The following PRXL2A variants were observed in gnomAD, a reference collection of about 807,000 sequenced individuals.
PRXL2A encodes the protein peroxiredoxin like 2A, also known as peroxiredoxin-like 2A.
PRXL2A carries 26 observed loss-of-function variants against 25.6 expected under a neutral mutation model. That is an observed-to-expected ratio of 1.02 (90% CI 0.74 to 1.41). PRXL2A has a LOEUF of 1.41. PRXL2A is among the 40% of genes most tolerant of loss of function. The pLI is 0.00. For missense variants in PRXL2A, 246 were observed against 273.9 expected, an observed-to-expected ratio of 0.90 and a Z score of 0.72; for synonymous variants, 98 against 102.9, an observed-to-expected ratio of 0.95 and a Z score of 0.29.
At chr10:80,418,405 A>G (rs141728761) in intron 1 of PRXL2A, among the ~76,000 whole-genome samples, 3 of 152,202 alleles carry the variant, frequency 2.0e-5, no homozygotes, top group Admixed American at 6.5e-5. Flanking sequence ...TGTGGCTTCA[A>G]TGCTAGTCTG....
rs1459692188 is a variant in PRXL2A at position 80,433,237 on chromosome 10, T to C, written c.*1138T>C. 1 of 152,210 alleles carries C rather than the reference T, an allele frequency of 6.6e-6. No individual in the cohort carries two copies. Among genetic ancestry groups the C allele is most frequent in the Admixed American group, 6.5e-5 (1 of 15,278 alleles). The allele number at this position is 152,210 out of a possible 1,614,324, so 9.4% of individuals were successfully genotyped here. A position where few individuals can be genotyped will look rare whatever the true frequency, so the allele number is the denominator to read the frequency against. On this transcript the variant is annotated 3_prime_UTR_variant, in exon 6 of 6. Transcript: ENST00000606162. The stretch of plus-strand genomic sequence containing the variant: ...TTGGTGTTTAAAATTGGTAGCTGTT[T>C]TTCTATTGGTCTTTTAGCCTAATTT...
intron 1 of PRXL2A, among the ~76,000 whole-genome samples, chr10:80,414,979 C>T (rs1844609039): frequency 1.3e-5 from 2 of 152,208 alleles, no homozygotes; most frequent in Admixed American, 6.5e-5. Flanking sequence ...AGGGTCTGCT[C>T]ACTGTGCAGC....
chr10:80,409,195 C>A, intron 1 of PRXL2A: 1 of 426,474 alleles, frequency 2.3e-6, no homozygotes, highest in Non-Finnish European at 3.1e-6. Flanking sequence ...CCAAGAGTCA[C>A]AAACGCCTGA....
intron 2 of PRXL2A, 53 bp downstream of exon 2, chr10:80,420,698 G>T: frequency 7.7e-7 from 1 of 1,294,698 alleles, no homozygotes; most frequent in Middle Eastern, 2.7e-4. Context: ...TGGGATACAG[G>T]CTTACTGCTT....
chr10:80,427,199 T>G (rs180872510), intron 4 of PRXL2A, 133 bp from the exon 5 acceptor site: 2 of 628,424 alleles, frequency 3.2e-6, no homozygotes, highest in East Asian at 2.9e-5. Context: ...GTGTGTTGGG[T>G]GGGAGAGAAG....
intron 5 of PRXL2A, among the ~76,000 whole-genome samples, chr10:80,431,391 C>T (rs890354490): frequency 7.3e-5 from 11 of 151,376 alleles, no homozygotes; most frequent in African/African-American, 2.7e-4. Flanking sequence ...AGAACTCTAA[C>T]AAGGATTCCT....
chr10:80,420,598 C>A lies in PRXL2A; in HGVS notation c.131C>A (p.Ala44Glu). The A allele has an allele frequency of 1.2e-6, 2 of 1,613,646 alleles. No individual in the cohort carries two copies. The highest frequency in any genetic ancestry group is 2.2e-5 in the East Asian group (1 of 44,852). ...GTGTTTCTGTCCAAGCCCCAGAAAG[C>A]GGCCCTGGAGTACCTGGAGGATATA... ...TDVFLSKPQK[A>E]ALEYLEDIDL... Residue 44 changes from alanine to glutamate, a missense_variant, in exon 2 of 6, where the codon GCG (alanine) becomes GAG (glutamate). Physicochemically the swap from Ala to Glu is moderately radical, Grantham distance 107. Coordinates refer to ENST00000606162, the MANE Select transcript of PRXL2A (RefSeq NM_032333.5).
intron 4 of PRXL2A, among the ~76,000 whole-genome samples, chr10:80,426,618 C>T (rs1474980037): frequency 2.0e-5 from 3 of 152,198 alleles, no homozygotes; most frequent in African/African-American, 7.2e-5. Context: ...CAACAGGTTC[C>T]TCCACTGTTG....
intron 2 of PRXL2A, among the ~76,000 whole-genome samples, chr10:80,421,561 G>C (rs1291834521): frequency 6.6e-6 from 1 of 152,136 alleles, no homozygotes; most frequent in Non-Finnish European, 1.5e-5. Context: ...CTAGGAGAGA[G>C]AGAGACCTGT....
In PRXL2A at chr10:80,436,421, A is replaced by G. The variant is rs1303320621; in HGVS notation, c.*4322A>G. 6.6e-6 allele frequency: 1 copy of G among 152,178 alleles called. No homozygotes were observed. The highest frequency in any genetic ancestry group is 2.4e-5 in the African/African-American group (1 of 41,394). 9.4% of individuals were successfully genotyped at this position (152,178 alleles called of 1,614,324 possible). A position where few individuals can be genotyped will look rare whatever the true frequency, so the allele number is the denominator to read the frequency against. On this transcript the variant is annotated 3_prime_UTR_variant, in exon 6 of 6. Coordinates refer to ENST00000606162, the MANE Select transcript of PRXL2A (RefSeq NM_032333.5). ...CATGAGCCACAGCACCAGGCCAACA[A>G]TATTTCTTAAAGCTCCTGGAGTGAT... is the stretch of plus-strand genomic sequence containing the variant.
intron 1 of PRXL2A, among the ~76,000 whole-genome samples, chr10:80,410,876 G>GATT (rs1379983719): frequency 2.1e-4 from 32 of 152,320 alleles, no homozygotes; most frequent in African/African-American, 7.7e-4. Flanking sequence ...GGGCCCTACA[G>GATT]CTTGAGGAAA....
At chr10:80,428,233 C>G (rs1229161968) in intron 5 of PRXL2A, among the ~76,000 whole-genome samples, 2 of 152,090 alleles carry the variant, frequency 1.3e-5, no homozygotes, top group Non-Finnish European at 2.9e-5. Context: ...GGAATGGGGT[C>G]TCTATAGGCC....
In PRXL2A at chr10:80,434,265, A is replaced by G. The variant is rs2131924306; in HGVS notation, c.*2166A>G. 1 of 152,252 alleles carries G rather than the reference A, an allele frequency of 6.6e-6. No homozygotes were observed. Among genetic ancestry groups the G allele is most frequent in the East Asian group, 1.9e-4 (1 of 5,188 alleles). 9.4% of individuals were successfully genotyped at this position (152,252 alleles called of 1,614,324 possible). A position where few individuals can be genotyped will look rare whatever the true frequency, so the allele number is the denominator to read the frequency against. On this transcript the variant is annotated 3_prime_UTR_variant, in exon 6 of 6. Transcript: ENST00000606162. ...GCAGTGTGGTCTTCTCTTTCTGATT[A>G]GCATGTCATTTTGGAAAGAGCACTG... is the stretch of plus-strand genomic sequence containing the variant.
chr10:80,415,544 T>C (rs1014830801), intron 1 of PRXL2A, among the ~76,000 whole-genome samples: 1 of 152,236 alleles, frequency 6.6e-6, no homozygotes, highest in African/African-American at 2.4e-5. Context: ...CTTCTGTGGC[T>C]ACCCAGACTG....
At chr10:80,423,171 ACAT>A (rs1177275832) in intron 3 of PRXL2A, among the ~76,000 whole-genome samples, 1 of 152,226 alleles carries the variant, frequency 6.6e-6, no homozygotes, top group African/African-American at 2.4e-5. Flanking sequence ...CGAAGGGAAG[ACAT>A]CATCTATTTG....
intron 1 of PRXL2A, chr10:80,409,004 G>A (rs1844366163): frequency 1.0e-6 from 1 of 984,846 alleles, no homozygotes; most frequent in Non-Finnish European, 1.2e-6. Flanking sequence ...TTGGGACAAA[G>A]AACAGAGGAG....
At position 80,420,739 on chromosome 10, in the gene PRXL2A, A is replaced by T; in HGVS notation, c.178+94A>T. ...CTAAACTCTCTCCTTTTTTTAATTGAAAAGATAATATAACAACATTAGGAA... is the reference window on the plus strand; with the variant it reads ...CTAAACTCTCTCCTTTTTTTAATTGTAAAGATAATATAACAACATTAGGAA... On this transcript the variant is annotated intron_variant, in intron 2 of 5. Transcript: ENST00000606162. The T allele has an allele frequency of 2.1e-6, 2 of 972,546 alleles. 1 individual carries two copies. Among genetic ancestry groups the T allele is most frequent in the South Asian group, 6.0e-5 (2 of 33,610 alleles). The allele number at this position is 972,546 out of a possible 1,614,324, so 60.2% of individuals were successfully genotyped here.
chr10:80,421,614 C>T (rs548048974), intron 2 of PRXL2A, among the ~76,000 whole-genome samples: 2 of 151,956 alleles, frequency 1.3e-5, no homozygotes, highest in African/African-American at 2.4e-5. Context: ...TATTTGATTA[C>T]AGACTCTTCT....
intron 3 of PRXL2A, among the ~76,000 whole-genome samples, chr10:80,425,495 C>T (rs1845010596): frequency 6.6e-6 from 1 of 152,224 alleles, no homozygotes; most frequent in Non-Finnish European, 1.5e-5. Context: ...CAGGGCTTTA[C>T]TTCAGGGTGG....
Sources: gnomAD v4.1 joint callset for allele counts (sites outside exome capture counted in the v4.1 genomes callset) on GRCh38, gnomAD v4.1.1 for gene constraint, MANE v1.5 for transcripts, NCBI Gene and HGNC (gene_info 2026-07-23, HGNC 2026-07-21) for gene names.